LDLRAD3: variants seen among roughly 807,000 people sequenced by gnomAD.
LDLRAD3 encodes low-density lipoprotein receptor class A domain-containing protein 3.
LDLRAD3 carries 20 observed loss-of-function variants against 29.4 expected under a neutral mutation model. The observed-to-expected ratio is 0.68, with a 90% CI of 0.48 to 0.99. The LOEUF (loss-of-function observed/expected upper bound fraction) is 0.99, where lower values mean the gene tolerates loss of function less well. Ranked by LOEUF, LDLRAD3 falls within the 50% of genes least tolerant of loss-of-function variation. LDLRAD3 has a pLI of 0.00. For missense variants in LDLRAD3, 420 were observed against 454.3 expected (o/e 0.92, Z 0.69); for synonymous variants, 157 against 192.7 (o/e 0.81, Z 1.53).
At chr11:36,056,351 C>T (rs374333092) in intron 2 of LDLRAD3, among the ~76,000 whole-genome samples, 1 of 152,172 alleles carries the variant, frequency 6.6e-6, no homozygotes, top group Non-Finnish European at 1.5e-5. Flanking sequence ...GCCCAATGCT[C>T]TGCATGGATG....
rs185389091 is a variant in LDLRAD3 at position 36,075,393 on chromosome 11, C to T, written c.194-6260C>T. On this transcript the variant is annotated intron_variant, in intron 2 of 5. Transcript: ENST00000315571. ...CATTGAATCTGTGTGGGCTTGGGGA[C>T]CCCTGACACAGCATCTTATATGAAG... Among the ~76,000 whole-genome samples, 38 of 152,170 alleles carry T rather than the reference C, an allele frequency of 2.5e-4. 1 individual carries two copies. The East Asian group carries it at 7.0e-3, about 28-fold the overall frequency.
intron 1 of LDLRAD3, chr11:35,972,661 G>C (rs1851427612): frequency 6.6e-6 from 1 of 152,154 alleles, no homozygotes; most frequent in South Asian, 2.1e-4. Flanking sequence ...AGAAACTGTA[G>C]CATACCATGC....
At chr11:36,042,715 C>T (rs767781925) in intron 2 of LDLRAD3, among the ~76,000 whole-genome samples, 3 of 152,134 alleles carry the variant, frequency 2.0e-5, no homozygotes, top group African/African-American at 4.8e-5. Context: ...TAATCCAATA[C>T]GACTGGAGTC....
chr11:36,187,476 G>GCACTGCCACCC (rs1854868710), intron 4 of LDLRAD3, among the ~76,000 whole-genome samples: 1 of 152,138 alleles, frequency 6.6e-6, no homozygotes, highest in African/African-American at 2.4e-5. Flanking sequence ...ACTACATAGA[G>GCACTGCCACCC]CACTGCCACC....
chr11:36,051,262 A>G (rs1364765346), intron 2 of LDLRAD3, among the ~76,000 whole-genome samples: 2 of 152,200 alleles, frequency 1.3e-5, no homozygotes, highest in Non-Finnish European at 2.9e-5. Flanking sequence ...CTAGAGAAGT[A>G]TGTGGTGGGT....
intron 4 of LDLRAD3, among the ~76,000 whole-genome samples, chr11:36,219,678 G>A (rs926374102): frequency 1.3e-5 from 2 of 152,246 alleles, no homozygotes; most frequent in African/African-American, 4.8e-5. Flanking sequence ...AGACATAAAT[G>A]TAGAAGCTAA....
chr11:36,100,092 C>A (rs1306939915), intron 4 of LDLRAD3, among the ~76,000 whole-genome samples: 1 of 152,052 alleles, frequency 6.6e-6, no homozygotes, highest in Non-Finnish European at 1.5e-5. Context: ...TGCAGTTGTT[C>A]AGGCCCCGTT....
intron 4 of LDLRAD3, among the ~76,000 whole-genome samples, chr11:36,175,460 T>G (rs1269466940): frequency 1.3e-5 from 2 of 152,230 alleles, no homozygotes; most frequent in Non-Finnish European, 2.9e-5. Flanking sequence ...CTATGAACTT[T>G]CCTCTTAGCA....
At chr11:36,168,459 G>A (rs866110438) in intron 4 of LDLRAD3, among the ~76,000 whole-genome samples, 2 of 151,312 alleles carry the variant, frequency 1.3e-5, no homozygotes, top group Non-Finnish European at 2.9e-5. Context: ...GGTTGTAGAG[G>A]GGATGGATAA....
intron 4 of LDLRAD3, among the ~76,000 whole-genome samples, chr11:36,189,862 AATG>A (rs1854914321): frequency 6.6e-6 from 1 of 152,108 alleles, no homozygotes; most frequent in African/African-American, 2.4e-5. Context: ...GTTTGCTGAG[AATG>A]ATGACTTCCA....
chr11:36,053,842 CCTCCAAGAAGTTGTCATGTGACTCTT>C (rs1852565599), intron 2 of LDLRAD3, among the ~76,000 whole-genome samples: 4 of 152,146 alleles, frequency 2.6e-5, no homozygotes, highest in Admixed American at 2.6e-4. Context: ...TGTATGAGCA[CCTCCAAGAAGTTGTCATGTGACTCTT>C]ATAAGGAGTC....
intron 1 of LDLRAD3, chr11:35,967,854 G>T: frequency 2.4e-6 from 1 of 412,076 alleles, no homozygotes; most frequent in Admixed American, 2.9e-5. Context: ...ATGATCATAT[G>T]GTTATCTTCT....
intron 4 of LDLRAD3, among the ~76,000 whole-genome samples, chr11:36,170,883 C>T (rs943710878): frequency 2.0e-5 from 3 of 151,192 alleles, no homozygotes; most frequent in Non-Finnish European, 4.4e-5. Context: ...CTCACTGAAA[C>T]CTCCGCCTCC....
intron 4 of LDLRAD3, among the ~76,000 whole-genome samples, chr11:36,222,664 T>C (rs1855445878): frequency 6.6e-6 from 1 of 152,188 alleles, no homozygotes; most frequent in Non-Finnish European, 1.5e-5. Flanking sequence ...TGTCAGCTGC[T>C]TGAGTGCCTT....
At chr11:36,166,459 T>A (rs1354318010) in intron 4 of LDLRAD3, among the ~76,000 whole-genome samples, 2 of 152,358 alleles carry the variant, frequency 1.3e-5, no homozygotes, top group East Asian at 3.9e-4. Flanking sequence ...AGAAGCCAGT[T>A]TGTTAGAAAA....
At chr11:36,124,893 T>A (rs1374225687) in intron 4 of LDLRAD3, among the ~76,000 whole-genome samples, 1 of 152,130 alleles carries the variant, frequency 6.6e-6, no homozygotes, top group African/African-American at 2.4e-5. Flanking sequence ...GGTTTCGCCA[T>A]GTTGGTCAGG....
At chr11:36,163,168 A>T (rs142192636) in intron 4 of LDLRAD3, 4 of 152,414 alleles carry the variant, frequency 2.6e-5, no homozygotes, top group Admixed American at 2.6e-4. Context: ...TGGAAGGCTG[A>T]AGATAAGCAG....
Position 36,182,039 on chromosome 11 carries a change from C to G in LDLRAD3, c.455-45046C>G, listed in dbSNP as rs548749602. Among the ~76,000 whole-genome samples the G allele has an allele frequency of 5.3e-5, 8 of 152,294 alleles. 1 individual carries two copies. Among genetic ancestry groups the G allele is most frequent in the African/African-American group, 1.9e-4 (8 of 41,568 alleles). On this transcript the variant is annotated intron_variant, in intron 4 of 5. Transcript: ENST00000315571. The stretch of plus-strand genomic sequence containing the variant: ...AGCTGCTAGGAAGCATCTTATTGTG[C>G]CTTCCCTCCCTCTCTGACTTTGGCC...
intron 4 of LDLRAD3, among the ~76,000 whole-genome samples, chr11:36,209,452 C>T (rs1395388780): frequency 1.3e-5 from 2 of 148,176 alleles, no homozygotes; most frequent in Non-Finnish European, 3.0e-5. Context: ...CTTCGCCTCC[C>T]GGGTTCAAGC....
Sources: allele counts gnomAD v4.1 joint callset (sites outside exome capture counted in the v4.1 genomes callset), GRCh38; gene constraint gnomAD v4.1.1; transcripts MANE v1.5; gene names NCBI Gene and HGNC (gene_info 2026-07-23, HGNC 2026-07-21).